The following MEOX2 variants were observed in gnomAD, a reference collection of about 807,000 sequenced individuals.
The protein encoded by MEOX2 is mesenchyme homeobox 2.
A neutral mutation model predicts 27.0 loss-of-function variants in MEOX2; 11 were observed. That is an observed-to-expected ratio of 0.41 (90% CI 0.26 to 0.68). The LOEUF (loss-of-function observed/expected upper bound fraction) is 0.68. Ranked by LOEUF, MEOX2 falls within the 30% of genes least tolerant of loss-of-function variation. The probability of loss-of-function intolerance (pLI) is 0.33; values close to 1 mark genes in which losing one functional copy is unlikely to be tolerated. For synonymous variants in MEOX2, 189 were observed against 155.4 expected, an observed-to-expected ratio of 1.22 and a Z score of -1.61; for missense variants, 436 against 385.4, an observed-to-expected ratio of 1.13 and a Z score of -1.10.
chr7:15,643,619 G>C (rs117818887), intron 1 of MEOX2, among the ~76,000 whole-genome samples: 1,741 of 152,286 alleles, frequency 0.011, 12 homozygotes, highest in Non-Finnish European at 0.016. Context: ...AGGTCACTGA[G>C]CCATTTTAGG....
At chr7:15,659,364 T>G (rs1460154093) in intron 1 of MEOX2, among the ~76,000 whole-genome samples, 1 of 152,180 alleles carries the variant, frequency 6.6e-6, no homozygotes, top group Non-Finnish European at 1.5e-5. Flanking sequence ...AAAAAACAAA[T>G]GCTTTTGCAG....
At chr7:15,614,705 T>C (rs1781095811) in intron 2 of MEOX2, among the ~76,000 whole-genome samples, 1 of 152,270 alleles carries the variant, frequency 6.6e-6, no homozygotes, top group East Asian at 1.9e-4. Flanking sequence ...ATTATAATTT[T>C]ATAATAAACC....
At chr7:15,665,853 A>G (rs1017713488) in intron 1 of MEOX2, among the ~76,000 whole-genome samples, 2 of 152,110 alleles carry the variant, frequency 1.3e-5, no homozygotes, top group South Asian at 2.1e-4. Context: ...TGACACCTTA[A>G]TAAACAAAGA....
intron 2 of MEOX2, among the ~76,000 whole-genome samples, chr7:15,616,086 T>G (rs896871778): frequency 1.3e-5 from 2 of 151,804 alleles, no homozygotes; most frequent in Non-Finnish European, 3.0e-5. Context: ...GAAAAAAGAC[T>G]GAATAGTTAA....
chr7:15,665,140 C>T (rs116105971), intron 1 of MEOX2, among the ~76,000 whole-genome samples: 268 of 151,492 alleles, frequency 1.8e-3, no homozygotes, highest in African/African-American at 6.2e-3. Flanking sequence ...TCTAAATGGT[C>T]AAGACAATGT....
chr7:15,621,397 C>G (rs1404851192), intron 2 of MEOX2, among the ~76,000 whole-genome samples: 1 of 152,080 alleles, frequency 6.6e-6, no homozygotes. Context: ...CAGAATGAGC[C>G]TCTTTTTTTC....
intron 2 of MEOX2, among the ~76,000 whole-genome samples, chr7:15,615,678 T>G (rs1405538074): frequency 6.6e-6 from 1 of 152,050 alleles, no homozygotes; most frequent in Non-Finnish European, 1.5e-5. Flanking sequence ...TGAGAAAATT[T>G]TACTTCTCTC....
At chr7:15,674,084 C>A (rs922730071) in intron 1 of MEOX2, among the ~76,000 whole-genome samples, 60 of 152,124 alleles carry the variant, frequency 3.9e-4, no homozygotes, top group African/African-American at 1.4e-3. Flanking sequence ...TGGTTACACA[C>A]AAAAGCCAGT....
chr7:15,686,373 G>C lies in MEOX2; in HGVS notation c.30C>G (p.Arg10=), dbSNP rs773678393. The change falls in exon 1 of 3, where the codon CGC becomes CGG. Residue 10 remains arginine, a synonymous_variant. Coordinates refer to ENST00000262041, the MANE Select transcript of MEOX2 (RefSeq NM_005924.5). The stretch of plus-strand genomic sequence containing the variant: ...AGCCTTGCGCCGTGGCGTGAGGGCT[G>C]CGCAGGCAGCCAAAGAGCGGGTGTT... MEHPLFGCL[R]SPHATAQGLH... 3 of 1,584,530 alleles carry C rather than the reference G, an allele frequency of 1.9e-6. No homozygotes were observed. The highest frequency in any genetic ancestry group is 3.3e-4 in the Middle Eastern group (2 of 6,024).
intron 1 of MEOX2, among the ~76,000 whole-genome samples, chr7:15,653,796 A>G (rs1781777778): frequency 6.6e-6 from 1 of 151,956 alleles, no homozygotes; most frequent in South Asian, 2.1e-4. Context: ...GTCTCCACCA[A>G]TACCACACAG....
At chr7:15,658,247 G>C (rs1452038674) in intron 1 of MEOX2, among the ~76,000 whole-genome samples, 1 of 152,190 alleles carries the variant, frequency 6.6e-6, no homozygotes, top group Non-Finnish European at 1.5e-5. Flanking sequence ...CAGCCTGCAG[G>C]GGAGGTGGGA....
At chr7:15,622,548 G>A (rs1781236497) in intron 2 of MEOX2, among the ~76,000 whole-genome samples, 1 of 151,796 alleles carries the variant, frequency 6.6e-6, no homozygotes, top group Admixed American at 6.6e-5. Flanking sequence ...TGAATCTCAG[G>A]TTATTTTAAC....
intron 1 of MEOX2, among the ~76,000 whole-genome samples, chr7:15,667,226 G>C (rs1282675327): frequency 7.4e-6 from 1 of 134,264 alleles, no homozygotes; most frequent in Non-Finnish European, 1.5e-5. Context: ...AGGAGGCAGA[G>C]GTTGCAGTGA....
At chr7:15,662,131 G>C (rs1365075239) in intron 1 of MEOX2, among the ~76,000 whole-genome samples, 1 of 131,318 alleles carries the variant, frequency 7.6e-6, no homozygotes, top group African/African-American at 3.0e-5. Context: ...GGAAAATCTC[G>C]AACAGAAAAT....
In MEOX2 at chr7:15,621,307, G is replaced by A. The variant is rs558514100; in HGVS notation, c.690+5439C>T. Among the ~76,000 whole-genome samples the A allele has an allele frequency of 3.3e-5, 5 of 152,284 alleles. No homozygotes were observed. The South Asian group carries it at 1.0e-3, about 32-fold the overall frequency. On this transcript the variant is annotated intron_variant, in intron 2 of 2. Transcript: ENST00000262041. ...ATATAATTAAAATATTTGAAGCTCA[G>A]CTTCATTCTAGTTTCTGCATTTTTA... is the stretch of plus-strand genomic sequence containing the variant.
Position 15,612,381 on chromosome 7 carries a change from T to C in MEOX2, c.*6A>G, listed in dbSNP as rs771407086. The stretch of plus-strand genomic sequence containing the variant: ...TCCTGAGAATGGAGCTGGTCCTCTG[T>C]TTATATCATAAGTGCGCATGCTCTG... On this transcript the variant is annotated 3_prime_UTR_variant, in exon 3 of 3. Transcript: ENST00000262041. The C allele has an allele frequency of 1.2e-6, 2 of 1,611,376 alleles. No homozygotes were observed. Among genetic ancestry groups the C allele is most frequent in the East Asian group, 4.5e-5 (2 of 44,858 alleles).
rs764582682 is a variant in MEOX2 at position 15,685,986 on chromosome 7, C to G, written c.417G>C (p.Pro139=). The G allele has an allele frequency of 8.6e-5, 138 of 1,610,144 alleles. No homozygotes were observed. The Middle Eastern group carries it at 1.7e-3, about 19-fold the overall frequency. The change falls in exon 1 of 3, where the codon CCG becomes CCC. Residue 139 remains proline (P), a synonymous_variant. Transcript: ENST00000262041. ...CCCCCGGCGCGCACGCGGCCCCAGTCGGGGTGCTGGAGCCCAAGCTGGAAG... is the reference window on the plus strand; with the variant it reads ...CCCCCGGCGCGCACGCGGCCCCAGTGGGGGTGCTGGAGCCCAAGCTGGAAG... ...SNSSSLGSST[P]TGAACAPGDY...
intron 1 of MEOX2, among the ~76,000 whole-genome samples, chr7:15,660,891 T>C (rs917368278): frequency 6.6e-6 from 1 of 151,544 alleles, no homozygotes; most frequent in African/African-American, 2.4e-5. Flanking sequence ...CGGGTGTCTG[T>C]AATCCCAGCT....
intron 1 of MEOX2, among the ~76,000 whole-genome samples, chr7:15,671,208 A>G (rs1056019246): frequency 3.3e-5 from 5 of 152,202 alleles, no homozygotes; most frequent in African/African-American, 9.6e-5. Flanking sequence ...AAATGCCCAT[A>G]TCACTCCAAT....
Sources: gnomAD v4.1 joint callset for allele counts (sites outside exome capture counted in the v4.1 genomes callset) on GRCh38, gnomAD v4.1.1 for gene constraint, MANE v1.5 for transcripts, NCBI Gene and HGNC (gene_info 2026-07-23, HGNC 2026-07-21) for gene names.